The following WDR41 variants were observed in gnomAD, a reference collection of about 807,000 sequenced individuals.
WDR41 encodes the protein WD repeat domain 41.
In WDR41, 63 loss-of-function variants were observed where a neutral mutation model predicts 69.3. That is an observed-to-expected ratio of 0.91 (90% CI 0.74 to 1.12). WDR41 has a LOEUF of 1.12. WDR41 is among the 50% of genes most tolerant of loss of function. The pLI is 0.00. For missense variants in WDR41, 543 were observed against 534.5 expected (o/e 1.02, Z -0.16); for synonymous variants, 185 against 192.1 (o/e 0.96, Z 0.31).
rs1459496181 is a variant in WDR41 at position 77,453,815 on chromosome 5, AC to A, written c.523+1del. ...GTTCAAAATTACCTTGATGTTTTTTACCTGTATCAGAAAGGTGGCTAGTCTT... is the reference window on the plus strand; with the variant it reads ...GTTCAAAATTACCTTGATGTTTTTTACTGTATCAGAAAGGTGGCTAGTCTT... On this transcript the variant is annotated splice_donor_variant, in intron 6 of 12. Transcript: ENST00000296679. LOFTEE classifies it high-confidence loss of function. The A allele has an allele frequency of 6.2e-7, 1 of 1,609,500 alleles. No individual in the cohort carries two copies. Among genetic ancestry groups the A allele is most frequent in the South Asian group, 1.1e-5 (1 of 90,998 alleles).
At chr5:77,530,965 T>C (rs1393111683) in intron 1 of WDR41, among the ~76,000 whole-genome samples, 1 of 151,508 alleles carries the variant, frequency 6.6e-6, no homozygotes, top group Non-Finnish European at 1.5e-5. Flanking sequence ...GCAAAAAAAA[T>C]GAACTTGCAC....
In WDR41 at chr5:77,432,658, C is replaced by G. The variant is rs1253053467; in HGVS notation, c.*477G>C. 1 of 152,320 alleles carries G rather than the reference C, an allele frequency of 6.6e-6. No individual in the cohort carries two copies. The highest frequency in any genetic ancestry group is 1.9e-4 in the East Asian group (1 of 5,202). The allele number at this position is 152,320 out of a possible 1,614,324, so 9.4% of individuals were successfully genotyped here. A position where few individuals can be genotyped will look rare whatever the true frequency, so the allele number is the denominator to read the frequency against. On this transcript the variant is annotated 3_prime_UTR_variant, in exon 13 of 13. Coordinates refer to ENST00000296679, the MANE Select transcript of WDR41 (RefSeq NM_018268.4). ...CCAAAGAAAACTTGCCATACTTAAACAGTATATATGTTCCCTTTTTTGGCT... is the reference window on the plus strand; with the variant it reads ...CCAAAGAAAACTTGCCATACTTAAAGAGTATATATGTTCCCTTTTTTGGCT...
intron 1 of WDR41, among the ~76,000 whole-genome samples, chr5:77,617,464 A>T (rs1744699186): frequency 6.6e-6 from 1 of 152,244 alleles, no homozygotes; most frequent in African/African-American, 2.4e-5. Context: ...AGAATCAGAC[A>T]TTCAAATATA....
At chr5:77,566,049 A>G (rs1350685657) in intron 1 of WDR41, among the ~76,000 whole-genome samples, 1 of 152,144 alleles carries the variant, frequency 6.6e-6, no homozygotes, top group African/African-American at 2.4e-5. Context: ...GGAAATAAAC[A>G]TAGAGAGGTG....
At chr5:77,563,227 T>C (rs532847544) in intron 1 of WDR41, among the ~76,000 whole-genome samples, 11 of 152,276 alleles carry the variant, frequency 7.2e-5, no homozygotes, top group African/African-American at 2.4e-4. Flanking sequence ...TTCCTGAATC[T>C]CCACTTCAAT....
intron 1 of WDR41, among the ~76,000 whole-genome samples, chr5:77,576,388 A>T (rs1048664765): frequency 4.6e-5 from 7 of 151,538 alleles, no homozygotes; most frequent in African/African-American, 1.7e-4. Context: ...CTCTACAGAC[A>T]CTCTCCACTT....
intron 1 of WDR41, among the ~76,000 whole-genome samples, chr5:77,523,181 G>T (rs951915321): frequency 2.0e-5 from 3 of 151,914 alleles, no homozygotes; most frequent in Non-Finnish European, 4.4e-5. Context: ...TGGCGTGATG[G>T]TGCACGCCTG....
chr5:77,537,502 A>G (rs1161889014), intron 1 of WDR41, among the ~76,000 whole-genome samples: 1 of 152,202 alleles, frequency 6.6e-6, no homozygotes, highest in African/African-American at 2.4e-5. Context: ...GACAGTTTGA[A>G]TAATTTTGAC....
In WDR41 at chr5:77,453,872, A is replaced by T; in HGVS notation, c.468T>A (p.Cys156Ter). 4 of 1,614,132 alleles carry T rather than the reference A, an allele frequency of 2.5e-6. No homozygotes were observed. Among genetic ancestry groups the T allele is most frequent in the Non-Finnish European group, 3.4e-6 (4 of 1,180,016 alleles). ...GGAGATCTAATTTTCGGTTCCACAC[A>T]CACAGGTCATTCCCACCAGAAAGCC... is the stretch of plus-strand genomic sequence containing the variant. ...DVWLSGGNDLCVWNRKLDLLC... is the reference protein window; with the variant it reads ...DVWLSGGNDL The change falls in exon 6 of 13, where the codon TGT (cysteine) becomes TGA (stop). Residue 156 changes from cysteine to a stop codon, truncating the protein, a stop_gained. Coordinates refer to ENST00000296679, the MANE Select transcript of WDR41 (RefSeq NM_018268.4). LOFTEE classifies it high-confidence loss of function.
chr5:77,501,311 C>T (rs947643570), intron 1 of WDR41, among the ~76,000 whole-genome samples: 2 of 152,250 alleles, frequency 1.3e-5, no homozygotes, highest in African/African-American at 4.8e-5. Flanking sequence ...AAGGCGGCAG[C>T]CTGGCTTGGA....
At chr5:77,507,521 C>G (rs751095045) in intron 1 of WDR41, among the ~76,000 whole-genome samples, 1 of 152,184 alleles carries the variant, frequency 6.6e-6, no homozygotes, top group Non-Finnish European at 1.5e-5. Flanking sequence ...CCCCACCAAG[C>G]CTTCACATGA....
intron 1 of WDR41, among the ~76,000 whole-genome samples, chr5:77,570,272 C>G (rs1045811216): frequency 1.3e-5 from 2 of 151,730 alleles, no homozygotes; most frequent in Non-Finnish European, 2.9e-5. Context: ...TGACTATTAA[C>G]CATAGTTTAA....
intron 1 of WDR41, among the ~76,000 whole-genome samples, chr5:77,550,286 G>T (rs1213515234): frequency 2.6e-5 from 4 of 152,024 alleles, no homozygotes; most frequent in Non-Finnish European, 2.9e-5. Context: ...CAAAAAAAAT[G>T]ATCAACAGAT....
intron 2 of WDR41, among the ~76,000 whole-genome samples, chr5:77,465,493 A>G (rs1311746748): frequency 1.3e-5 from 2 of 152,144 alleles, no homozygotes; most frequent in Non-Finnish European, 2.9e-5. Context: ...TATTCTGAAC[A>G]TAAACACTAT....
At chr5:77,434,601 A>G (rs1401119704) in intron 12 of WDR41, among the ~76,000 whole-genome samples, 1 of 151,898 alleles carries the variant, frequency 6.6e-6, no homozygotes, top group Non-Finnish European at 1.5e-5. Flanking sequence ...GCTACTTGGG[A>G]GACTGAGGCA....
Position 77,449,875 on chromosome 5 carries a change from A to G in WDR41, c.587-5T>C. The G allele has an allele frequency of 2.5e-6, 4 of 1,587,744 alleles. No homozygotes were observed. The highest frequency in any genetic ancestry group is 3.5e-6 in the Non-Finnish European group (4 of 1,157,142). ...GTGCTACCAACCTGAAAATTACTAA[A>G]TGAAAAAGACAGATAAAATTTTATT... On this transcript the variant is annotated splice_polypyrimidine_tract_variant and splice_region_variant and intron_variant, in intron 7 of 12. Transcript: ENST00000296679.
intron 1 of WDR41, among the ~76,000 whole-genome samples, chr5:77,562,990 A>G (rs527857769): frequency 6.6e-6 from 1 of 152,238 alleles, no homozygotes; most frequent in Admixed American, 6.5e-5. Context: ...TGTATGAGGG[A>G]CACATTTTAT....
chr5:77,610,883 C>T (rs1744532513), intron 1 of WDR41, among the ~76,000 whole-genome samples: 1 of 151,546 alleles, frequency 6.6e-6, no homozygotes, highest in Admixed American at 6.6e-5. Context: ...GAGTCAAGAC[C>T]CATCAGTGTG....
chr5:77,488,756 T>G (rs1461237897), intron 2 of WDR41, among the ~76,000 whole-genome samples: 1 of 152,068 alleles, frequency 6.6e-6, no homozygotes, highest in African/African-American at 2.4e-5. Context: ...ACATGGTGAA[T>G]AAGAAAAACA....
Sources: gnomAD v4.1 joint callset for allele counts (sites outside exome capture counted in the v4.1 genomes callset) on GRCh38, gnomAD v4.1.1 for gene constraint, MANE v1.5 for transcripts, NCBI Gene and HGNC (gene_info 2026-07-23, HGNC 2026-07-21) for gene names.